The following ORAI2 variants were observed in gnomAD, a reference collection of about 807,000 sequenced individuals.
ORAI2 encodes protein orai-2.
In ORAI2, 10 loss-of-function variants were observed where a neutral mutation model predicts 16.2. That is an observed-to-expected ratio of 0.62 (90% CI 0.38 to 1.04). The LOEUF (loss-of-function observed/expected upper bound fraction) is 1.04. ORAI2 is among the 50% of genes least tolerant of loss of function. The pLI, the probability that ORAI2 is intolerant of heterozygous loss-of-function variation, is 0.01. For synonymous variants in ORAI2, 150 were observed against 157.5 expected (o/e 0.95, Z 0.35); for missense variants, 238 against 355.5 (o/e 0.67, Z 2.66).
intron 2 of ORAI2, 138 bp downstream of exon 2, chr7:102,436,471 G>A (rs1384390007): frequency 2.4e-5 from 10 of 417,538 alleles, no homozygotes; most frequent in Non-Finnish European, 3.2e-5. Flanking sequence ...ACCTTCCTGC[G>A]TAATTTCCAA....
chr7:102,439,121 G>A lies in ORAI2; in HGVS notation c.165G>A (p.Leu55=). Reference sequence around the variant, plus strand: ...CCCTGTCGTGGCGGAAGCTCTACCTGAGCAGGGCCAAGCTGAAGGCCTCCA... The same window carrying A: ...CCCTGTCGTGGCGGAAGCTCTACCTAAGCAGGGCCAAGCTGAAGGCCTCCA... ...VQALSWRKLY[L]SRAKLKASSR... The change falls in exon 3 of 4, where the codon CTG becomes CTA. Residue 55 remains leucine (L), a synonymous_variant. Coordinates refer to ENST00000495936, the MANE Select transcript of ORAI2 (RefSeq NM_001126340.3). 1 of 1,613,980 alleles carries A rather than the reference G, an allele frequency of 6.2e-7. No homozygotes were observed. Among genetic ancestry groups the A allele is most frequent in the Non-Finnish European group, 8.5e-7 (1 of 1,180,050 alleles).
At chr7:102,438,578 C>G (rs1797118590) in intron 2 of ORAI2, among the ~76,000 whole-genome samples, 1 of 152,176 alleles carries the variant, frequency 6.6e-6, no homozygotes, top group Admixed American at 6.5e-5. Flanking sequence ...AGTTCGAGAC[C>G]AGCCTGGCCA....
At chr7:102,445,709 G>A (rs1797334338) in intron 3 of ORAI2, among the ~76,000 whole-genome samples, 1 of 149,976 alleles carries the variant, frequency 6.7e-6, no homozygotes, top group Non-Finnish European at 1.5e-5. Context: ...TGGAATTCCT[G>A]GCCTCAAGTG....
At chr7:102,444,665 CTTTT>C (rs35635937) in intron 3 of ORAI2, among the ~76,000 whole-genome samples, 1 of 118,050 alleles carries the variant, frequency 8.5e-6, no homozygotes, top group Admixed American at 9.9e-5. Flanking sequence ...CAGGCTTCTT[CTTTT>C]TTTTTTTTTT....
intron 3 of ORAI2, among the ~76,000 whole-genome samples, chr7:102,442,190 C>T (rs965312665): frequency 2.7e-5 from 4 of 150,764 alleles, no homozygotes; most frequent in Non-Finnish European, 5.9e-5. Context: ...CTGAGGTGGG[C>T]GGATCACTTG....
At chr7:102,437,202 T>G (rs1797082412) in intron 2 of ORAI2, among the ~76,000 whole-genome samples, 1 of 152,216 alleles carries the variant, frequency 6.6e-6, no homozygotes, top group South Asian at 2.1e-4. Context: ...CCTTAAAATG[T>G]GGTCATGTGA....
intron 2 of ORAI2, among the ~76,000 whole-genome samples, chr7:102,438,337 TATATC>T (rs1418066006): frequency 6.0e-5 from 9 of 150,568 alleles, no homozygotes; most frequent in African/African-American, 2.0e-4. Context: ...CTCAAAAAAA[TATATC>T]AAATCAAATA....
rs1164055139 is a variant in ORAI2 at position 102,446,803 on chromosome 7, G to T, written c.516G>T (p.Lys172Asn). 6.2e-7 allele frequency: 1 copy of T among 1,614,118 alleles called. No individual in the cohort carries two copies. Among genetic ancestry groups the T allele is most frequent in the Non-Finnish European group, 8.5e-7 (1 of 1,180,034 alleles). Residue 172 changes from lysine (K) to asparagine (N), a missense_variant, in exon 4 of 4, where the codon AAG (lysine) becomes AAT (asparagine). By Grantham distance (94) the Lys-to-Asn change is moderately conservative (BLOSUM62 0). Around this residue, in one of 3 missense-constraint regions of ORAI2, gnomAD observed 176 missense variants for 265.9 expected, o/e 0.66. Coordinates refer to ENST00000495936, the MANE Select transcript of ORAI2 (RefSeq NM_001126340.3). ...AGGTGGTGCTGCTCTGCTGGATCAA[G>T]TTCCTCCCCGTGGATGCCCGGCGCC... Reference protein sequence around the residue: ...LAEVVLLCWIKFLPVDARRQP... With the variant: ...LAEVVLLCWINFLPVDARRQP...
chr7:102,443,122 C>G (rs144210411), intron 3 of ORAI2, among the ~76,000 whole-genome samples: 5 of 85,420 alleles, frequency 5.9e-5, no homozygotes, highest in Non-Finnish European at 1.4e-4. Flanking sequence ...TCTTCTTCTT[C>G]TTCTTCTTCT....
chr7:102,438,850 A>G (rs1797124788), intron 2 of ORAI2, 94 bp from the exon 3 acceptor site: 3 of 1,176,462 alleles, frequency 2.6e-6, no homozygotes, highest in Non-Finnish European at 3.8e-6. Flanking sequence ...TGGGCTGTAT[A>G]TGGCAGCCTC....
intron 3 of ORAI2, among the ~76,000 whole-genome samples, chr7:102,443,936 ACCT>A (rs903959306): frequency 5.9e-5 from 9 of 151,774 alleles, no homozygotes; most frequent in African/African-American, 9.7e-5. Flanking sequence ...CGAACTCCTG[ACCT>A]CAGGTGATCC....
chr7:102,445,993 G>T (rs537660462), intron 3 of ORAI2, among the ~76,000 whole-genome samples: 1 of 151,326 alleles, frequency 6.6e-6, no homozygotes, highest in South Asian at 2.1e-4. Context: ...GTGTCACCCA[G>T]GCTGGAGTGC....
intron 3 of ORAI2, among the ~76,000 whole-genome samples, chr7:102,440,701 AT>A (rs1158048412): frequency 6.8e-6 from 1 of 146,736 alleles, no homozygotes; most frequent in African/African-American, 2.5e-5. Context: ...TGCCTGGCTA[AT>A]TTTTTTTTTC....
At chr7:102,443,134 T>C (rs540677088) in intron 3 of ORAI2, among the ~76,000 whole-genome samples, 901 of 68,956 alleles carry the variant, frequency 0.013, 12 homozygotes, top group African/African-American at 0.064. Context: ...TCTTCTTCTT[T>C]TTTTTTTTTT....
chr7:102,437,278 T>C (rs1797084057), intron 2 of ORAI2, among the ~76,000 whole-genome samples: 1 of 152,180 alleles, frequency 6.6e-6, no homozygotes, highest in Non-Finnish European at 1.5e-5. Flanking sequence ...GCTTTAGTTA[T>C]GTAAGTCCAA....
At chr7:102,437,016 G>A (rs1047381879) in intron 2 of ORAI2, among the ~76,000 whole-genome samples, 4 of 152,216 alleles carry the variant, frequency 2.6e-5, no homozygotes, top group Admixed American at 6.5e-5. Flanking sequence ...GGATCCTGGC[G>A]TGTGGCCGAG....
intron 3 of ORAI2, among the ~76,000 whole-genome samples, chr7:102,443,966 C>G (rs1586713918): frequency 6.6e-6 from 1 of 152,144 alleles, no homozygotes. Flanking sequence ...CTCGGCCTCC[C>G]AAAGTGCTGG....
intron 2 of ORAI2, among the ~76,000 whole-genome samples, chr7:102,437,508 G>A (rs1259715930): frequency 2.6e-5 from 4 of 152,138 alleles, no homozygotes; most frequent in South Asian, 2.1e-4. Context: ...CCAGCTACTC[G>A]GGAGGCTGAG....
At chr7:102,445,477 T>A (rs1184197965) in intron 3 of ORAI2, among the ~76,000 whole-genome samples, 1 of 151,842 alleles carries the variant, frequency 6.6e-6, no homozygotes, top group East Asian at 1.9e-4. Context: ...AGAGACGAGG[T>A]CTCACTCTGT....
Sources: allele counts gnomAD v4.1 joint callset (sites outside exome capture counted in the v4.1 genomes callset), GRCh38; gene constraint gnomAD v4.1.1; regional missense constraint gnomAD v4.1.1; transcripts MANE v1.5; gene names NCBI Gene and HGNC (gene_info 2026-07-23, HGNC 2026-07-21).